Variants in SLC16A9 observed in about 807,000 individuals in gnomAD.
The protein encoded by SLC16A9 is monocarboxylate transporter 9.
In SLC16A9, 26 loss-of-function variants were observed where a neutral mutation model predicts 44.3. The observed-to-expected ratio is 0.59, with a 90% CI of 0.43 to 0.81. The LOEUF (loss-of-function observed/expected upper bound fraction) is 0.81, where lower values mean the gene tolerates loss of function less well. Ranked by LOEUF, SLC16A9 falls within the 40% of genes least tolerant of loss-of-function variation. SLC16A9 has a pLI of 0.00. For missense variants in SLC16A9, 559 were observed against 595.8 expected (o/e 0.94, Z 0.64); for synonymous variants, 230 against 225.1 (o/e 1.02, Z -0.19).
chr10:59,664,855 T>A (rs1588967594), intron 3 of SLC16A9, among the ~76,000 whole-genome samples: 1 of 152,194 alleles, frequency 6.6e-6, no homozygotes, highest in Non-Finnish European at 1.5e-5. Context: ...GAAATTTGTA[T>A]CTGTAAGTCT....
Position 59,675,151 on chromosome 10 carries a change from T to C in SLC16A9, c.197-2238A>G, listed in dbSNP as rs564379394. ...GTCAGAGATTAAAGACAAAAAATTTTAGAGCTGAAATTTTGGAAGTTGAAA... is the reference window on the plus strand; with the variant it reads ...GTCAGAGATTAAAGACAAAAAATTTCAGAGCTGAAATTTTGGAAGTTGAAA... On this transcript the variant is annotated intron_variant, in intron 2 of 5. Transcript: ENST00000395348. Among the ~76,000 whole-genome samples the C allele has an allele frequency of 3.9e-5, 6 of 152,298 alleles. No homozygotes were observed. In the East Asian group the frequency reaches 1.2e-3, roughly 29 times the overall value.
chr10:59,656,339 C>T (rs1470791294), intron 4 of SLC16A9, among the ~76,000 whole-genome samples: 1 of 152,186 alleles, frequency 6.6e-6, no homozygotes, highest in Non-Finnish European at 1.5e-5. Context: ...CAAAGTGTCA[C>T]ATCATTAGAT....
intron 1 of SLC16A9, among the ~76,000 whole-genome samples, chr10:59,694,817 T>TATATATATATAC (rs145769219): frequency 6.3e-5 from 3 of 47,702 alleles, no homozygotes; most frequent in Non-Finnish European, 1.2e-4. Context: ...TATATATATA[T>TATATATATATAC]ACACACACAC....
intron 1 of SLC16A9, among the ~76,000 whole-genome samples, chr10:59,699,306 G>T (rs929881539): frequency 6.6e-6 from 1 of 152,172 alleles, no homozygotes; most frequent in African/African-American, 2.4e-5. Context: ...ATTTGGTAAA[G>T]GTATTATGTA....
At chr10:59,690,173 T>G (rs1358795134) in intron 1 of SLC16A9, among the ~76,000 whole-genome samples, 1 of 152,088 alleles carries the variant, frequency 6.6e-6, no homozygotes, top group Non-Finnish European at 1.5e-5. Context: ...GGGCAACAGA[T>G]CAAGATGCTG....
intron 3 of SLC16A9, among the ~76,000 whole-genome samples, chr10:59,667,689 C>A (rs1839651541): frequency 6.6e-6 from 1 of 151,988 alleles, no homozygotes; most frequent in Non-Finnish European, 1.5e-5. Flanking sequence ...GTTTGGAAAC[C>A]ACTGCCTTAA....
At chr10:59,705,505 A>G (rs1342070646) in intron 1 of SLC16A9, among the ~76,000 whole-genome samples, 1 of 152,192 alleles carries the variant, frequency 6.6e-6, no homozygotes, top group African/African-American at 2.4e-5. Flanking sequence ...TTGACATAAC[A>G]TGTTTAATAA....
chr10:59,686,451 A>G (rs1840136253), intron 1 of SLC16A9, among the ~76,000 whole-genome samples: 1 of 152,202 alleles, frequency 6.6e-6, no homozygotes, highest in African/African-American at 2.4e-5. Context: ...TAAGAACATA[A>G]TATGTTTTGC....
chr10:59,705,803 A>C (rs1840624735), intron 1 of SLC16A9, among the ~76,000 whole-genome samples: 1 of 152,222 alleles, frequency 6.6e-6, no homozygotes, highest in African/African-American at 2.4e-5. Flanking sequence ...ATAAAACTGA[A>C]ATTAAAGGCA....
chr10:59,708,427 A>G (rs1840691507), intron 1 of SLC16A9, among the ~76,000 whole-genome samples: 1 of 152,194 alleles, frequency 6.6e-6, no homozygotes, highest in Non-Finnish European at 1.5e-5. Flanking sequence ...CAAATATAAG[A>G]AACTGTTAGG....
chr10:59,691,745 C>T (rs1230627278), intron 1 of SLC16A9, among the ~76,000 whole-genome samples: 4 of 152,260 alleles, frequency 2.6e-5, no homozygotes, highest in Middle Eastern at 3.4e-3. Context: ...CCAGCACCTT[C>T]GATTATGTTT....
At chr10:59,685,426 A>G (rs146457517) in intron 1 of SLC16A9, among the ~76,000 whole-genome samples, 42 of 152,338 alleles carry the variant, frequency 2.8e-4, no homozygotes, top group African/African-American at 9.9e-4. Context: ...ATAGCCTTCT[A>G]AAGTTTCTTT....
rs746994628 is a variant in SLC16A9, at chr10:59,654,519, T to C, written c.507A>G (p.Gly169=). The C allele has an allele frequency of 6.2e-7, 1 of 1,609,250 alleles. No individual in the cohort carries two copies. The highest frequency in any genetic ancestry group is 8.5e-7 in the Non-Finnish European group (1 of 1,179,988). The change falls in exon 5 of 6, where the codon GGA becomes GGG. Residue 169 remains glycine, a synonymous_variant. Coordinates refer to ENST00000395348, the MANE Select transcript of SLC16A9 (RefSeq NM_194298.3). The part of the protein sequence containing the change: ...RMLVEFYGLD[G]CLLIVGALAL... ...CTAAAGCACCCACAATCAGCAAGCA[T>C]CCATCCAGTCCATAGAACTCAACCA... is the stretch of plus-strand genomic sequence containing the variant.
At chr10:59,658,952 C>A (rs1159443184) in intron 4 of SLC16A9, among the ~76,000 whole-genome samples, 1 of 152,110 alleles carries the variant, frequency 6.6e-6, no homozygotes, top group Non-Finnish European at 1.5e-5. Context: ...TATCTAAAAG[C>A]CTGACCTTCC....
chr10:59,700,531 A>T (rs1432195569), intron 1 of SLC16A9, among the ~76,000 whole-genome samples: 1 of 152,234 alleles, frequency 6.6e-6, no homozygotes, highest in East Asian at 1.9e-4. Context: ...TCACATGAGC[A>T]TGTTTCTAGT....
At chr10:59,698,969 C>G (rs144521659) in intron 1 of SLC16A9, among the ~76,000 whole-genome samples, 3,903 of 152,210 alleles carry the variant, frequency 0.026, 161 homozygotes, top group African/African-American at 0.087. Context: ...GTCTCGAACT[C>G]CTGACCTCAG....
chr10:59,700,131 T>A (rs976790079), intron 1 of SLC16A9, among the ~76,000 whole-genome samples: 2 of 152,150 alleles, frequency 1.3e-5, no homozygotes, highest in Non-Finnish European at 2.9e-5. Flanking sequence ...CCCAGGTTAG[T>A]GACAGCCAAA....
At chr10:59,656,886 T>G (rs1463792960) in intron 4 of SLC16A9, among the ~76,000 whole-genome samples, 1 of 152,216 alleles carries the variant, frequency 6.6e-6, no homozygotes, top group Non-Finnish European at 1.5e-5. Context: ...TATGCTTCCA[T>G]GCATGTTATA....
chr10:59,664,420 C>T (rs937524913), intron 3 of SLC16A9, 98 bp from the exon 4 acceptor site: 15 of 705,606 alleles, frequency 2.1e-5, no homozygotes, highest in Admixed American at 1.3e-4. Context: ...CATTCCATTA[C>T]TCACTGGCTA....
Sources: allele counts gnomAD v4.1 joint callset (sites outside exome capture counted in the v4.1 genomes callset), GRCh38; gene constraint gnomAD v4.1.1; transcripts MANE v1.5; gene names NCBI Gene and HGNC (gene_info 2026-07-23, HGNC 2026-07-21).